CLASP2: variants seen among roughly 807,000 people sequenced by gnomAD.
CLASP2 encodes the protein cytoplasmic linker associated protein 2.
A neutral mutation model predicts 194.4 loss-of-function variants in CLASP2; 47 were observed. The observed-to-expected ratio is 0.24, with a 90% CI of 0.19 to 0.31. The LOEUF (loss-of-function observed/expected upper bound fraction) is 0.31, where lower values mean the gene tolerates loss of function less well. Ranked by LOEUF, CLASP2 falls within the 10% of genes least tolerant of loss-of-function variation. CLASP2 has a pLI of 1.00. For synonymous variants in CLASP2, 619 were observed against 633.5 expected (o/e 0.98, Z 0.34); for missense variants, 1,445 against 1,823.6 (o/e 0.79, Z 3.78).
intron 1 of CLASP2, among the ~76,000 whole-genome samples, chr3:33,711,031 C>T (rs566268869): frequency 2.6e-5 from 4 of 152,032 alleles, no homozygotes; most frequent in African/African-American, 9.7e-5. Context: ...ACTAGTAGGA[C>T]CAAGGGGAGA....
chr3:33,545,714 A>G (rs1009450079), intron 30 of CLASP2, among the ~76,000 whole-genome samples: 2 of 152,154 alleles, frequency 1.3e-5, no homozygotes, highest in Non-Finnish European at 2.9e-5. Context: ...GTTCGAGACC[A>G]GTCTGGCTAA....
Position 33,689,460 on chromosome 3 carries a change from C to G in CLASP2, c.378+369G>C, listed in dbSNP as rs147240121. On this transcript the variant is annotated intron_variant, in intron 3 of 38. Coordinates refer to ENST00000682230, the MANE Select transcript of CLASP2 (RefSeq NM_001365631.1). ...CCACCTGTGAAAAAATTTTCTTCTG[C>G]TCTCTGTAGGAGTTGCAGAAATGAA... Among the ~76,000 whole-genome samples, 1,151 of 152,010 alleles carry G rather than the reference C, an allele frequency of 7.6e-3. 10 individuals are homozygous for G. Among genetic ancestry groups the G allele is most frequent in the African/African-American group, 0.025 (1,055 of 41,494 alleles).
At chr3:33,680,041 C>A (rs1055190509) in intron 6 of CLASP2, among the ~76,000 whole-genome samples, 1 of 152,046 alleles carries the variant, frequency 6.6e-6, no homozygotes, top group East Asian at 1.9e-4. Flanking sequence ...AAGTTTTCAA[C>A]CCTAAAAAGA....
intron 25 of CLASP2, among the ~76,000 whole-genome samples, chr3:33,571,310 G>A (rs555827838): frequency 3.7e-4 from 56 of 151,512 alleles, no homozygotes; most frequent in African/African-American, 1.1e-3. Flanking sequence ...ACCGCGCCCG[G>A]CCTGTCTCTA....
chr3:33,671,957 A>G (rs1358444493), intron 6 of CLASP2, among the ~76,000 whole-genome samples: 1 of 152,210 alleles, frequency 6.6e-6, no homozygotes, highest in Non-Finnish European at 1.5e-5. Flanking sequence ...AACTGGGTGG[A>G]GCCCACCACA....
At position 33,575,325 on chromosome 3, in the gene CLASP2, C is replaced by T. The variant is rs188144607; in HGVS notation, c.2454+844G>A. ...TATTACCAATGAATATTTTTAAAAA[C>T]CTGCCTTTTCAAATCTATGTGGCAA... On this transcript the variant is annotated intron_variant, in intron 24 of 38. Transcript: ENST00000682230. 2.5e-3 allele frequency among the ~76,000 whole-genome samples: 375 copies of T among 152,216 alleles called. 1 individual carries two copies. Among genetic ancestry groups the T allele is most frequent in the Non-Finnish European group, 2.0e-3 (135 of 68,002 alleles).
chr3:33,553,930 C>T (rs1371029143), intron 29 of CLASP2, among the ~76,000 whole-genome samples: 2 of 151,908 alleles, frequency 1.3e-5, no homozygotes, highest in Non-Finnish European at 2.9e-5. Context: ...ACTCATAATA[C>T]CAAGATATGG....
chr3:33,506,407 G>C (rs879388085), intron 37 of CLASP2, among the ~76,000 whole-genome samples: 1 of 97,788 alleles, frequency 1.0e-5, no homozygotes, highest in Non-Finnish European at 2.0e-5. Context: ...AAAAAAAAAA[G>C]AATTTGCTTT....
At position 33,498,474 on chromosome 3, in the gene CLASP2, C is replaced by T. The variant is rs2046073983; in HGVS notation, c.*157G>A. The T allele has an allele frequency of 3.9e-6, 2 of 516,600 alleles. No homozygotes were observed. The highest frequency in any genetic ancestry group is 1.9e-5 in the African/African-American group (1 of 51,686). 32.0% of individuals were successfully genotyped at this position (516,600 alleles called of 1,614,324 possible). A position where few individuals can be genotyped will look rare whatever the true frequency, so the allele number is the denominator to read the frequency against. On this transcript the variant is annotated 3_prime_UTR_variant, in exon 39 of 39. Transcript: ENST00000682230. The stretch of plus-strand genomic sequence containing the variant: ...AGTTACATGCAGACTGAGGATAGTC[C>T]TCTGTTACAGAAAATACAAAACGAA...
At chr3:33,581,578 T>C (rs1005230806) in intron 23 of CLASP2, among the ~76,000 whole-genome samples, 1 of 152,220 alleles carries the variant, frequency 6.6e-6, no homozygotes, top group Non-Finnish European at 1.5e-5. Context: ...TTTAAACCTG[T>C]GTGACATTTA....
chr3:33,503,642 G>GCT (rs1400856372), intron 37 of CLASP2: 2 of 152,028 alleles, frequency 1.3e-5, no homozygotes, highest in Admixed American at 1.3e-4. Context: ...TGGCCAGGCT[G>GCT]CTCTTCAATT....
At chr3:33,544,056 AGT>A (rs2058780214) in intron 31 of CLASP2, among the ~76,000 whole-genome samples, 1 of 152,164 alleles carries the variant, frequency 6.6e-6, no homozygotes, top group South Asian at 2.1e-4. Context: ...GCCTGCCATC[AGT>A]GTGTCTCCTT....
rs2083039308 is a variant in CLASP2 at position 33,650,723 on chromosome 3, C to T, written c.716-5820G>A. ...GGGAAGAGGAGGTGGATGGAGGAAG[C>T]GATAAAAGGAAAAAGAGGAGGGAGA... On this transcript the variant is annotated intron_variant, in intron 7 of 38. Coordinates refer to ENST00000682230, the MANE Select transcript of CLASP2 (RefSeq NM_001365631.1). Among the ~76,000 whole-genome samples, 3 of 148,018 alleles carry T rather than the reference C, an allele frequency of 2.0e-5. No individual in the cohort carries two copies. The South Asian group carries it at 6.4e-4, about 32-fold the overall frequency.
chr3:33,663,967 T>C lies in CLASP2; in HGVS notation c.645-452A>G, dbSNP rs1267664758. Among the ~76,000 whole-genome samples, 6 of 152,292 alleles carry C rather than the reference T, an allele frequency of 3.9e-5. No homozygotes were observed. In the East Asian group the frequency reaches 1.2e-3, roughly 29 times the overall value. On this transcript the variant is annotated intron_variant, in intron 6 of 38. Coordinates refer to ENST00000682230, the MANE Select transcript of CLASP2 (RefSeq NM_001365631.1). ...CTAAAGAGATGGCTAATATCACTGA[T>C]AATCTGATGCTATCCCTGTTTCACA...
At chr3:33,660,511 G>T (rs1427502044) in intron 7 of CLASP2, among the ~76,000 whole-genome samples, 2 of 152,026 alleles carry the variant, frequency 1.3e-5, no homozygotes, top group Admixed American at 6.5e-5. Context: ...TTGGTTTCTT[G>T]TATTTAGTAA....
chr3:33,538,811 G>A lies in CLASP2; in HGVS notation c.3536C>T (p.Ser1179Phe). The A allele has an allele frequency of 6.3e-7, 1 of 1,586,932 alleles. No homozygotes were observed. Among genetic ancestry groups the A allele is most frequent in the Non-Finnish European group, 8.6e-7 (1 of 1,168,906 alleles). Residue 1179 changes from serine to phenylalanine, a missense_variant, in exon 33 of 39, where the codon TCT (serine) becomes TTT (phenylalanine). Coordinates refer to ENST00000682230, the MANE Select transcript of CLASP2 (RefSeq NM_001365631.1). ...EDMNEPLKRD[S>F]KKDDGDSMCG... ...TACTGAATCGCCATCATCTTTTTTAGAATCCCTTTTCAATGGCTCATTCAT... is the reference window on the plus strand; with the variant it reads ...TACTGAATCGCCATCATCTTTTTTAAAATCCCTTTTCAATGGCTCATTCAT...
At chr3:33,696,718 G>A (rs771317231) in intron 2 of CLASP2, 137 bp downstream of exon 2, 7 of 651,962 alleles carry the variant, frequency 1.1e-5, no homozygotes, top group African/African-American at 3.8e-5. Context: ...TGCCTGCCTC[G>A]GCCTCCCAAA....
intron 12 of CLASP2, among the ~76,000 whole-genome samples, chr3:33,616,948 C>T (rs552792862): frequency 4.6e-5 from 7 of 151,500 alleles, no homozygotes; most frequent in African/African-American, 1.5e-4. Context: ...CCATATTGGC[C>T]TGGCTGGTCT....
chr3:33,670,536 CA>C (rs1452189094), intron 6 of CLASP2, among the ~76,000 whole-genome samples: 18 of 152,264 alleles, frequency 1.2e-4, no homozygotes, highest in African/African-American at 4.1e-4. Context: ...AAACAAACTA[CA>C]AAATCAACAA....
Sources: allele counts gnomAD v4.1 joint callset (sites outside exome capture counted in the v4.1 genomes callset), GRCh38; gene constraint gnomAD v4.1.1; transcripts MANE v1.5; gene names NCBI Gene and HGNC (gene_info 2026-07-23, HGNC 2026-07-21).